Variants in SLC35F1 observed in about 807,000 individuals in gnomAD.
The protein encoded by SLC35F1 is chromosome 6 open reading frame 169.
SLC35F1 carries 14 observed loss-of-function variants against 48.7 expected under a neutral mutation model. That is an observed-to-expected ratio of 0.29 (90% CI 0.19 to 0.45). The LOEUF (loss-of-function observed/expected upper bound fraction) is 0.45. Among genes scored for constraint, SLC35F1 ranks in the 20% least tolerant of loss-of-function variants. The pLI, the probability that SLC35F1 is intolerant of heterozygous loss-of-function variation, is 1.00. For synonymous variants in SLC35F1, 190 were observed against 202.2 expected, an observed-to-expected ratio of 0.94 and a Z score of 0.51; for missense variants, 404 against 500.0, an observed-to-expected ratio of 0.81 and a Z score of 1.83.
At chr6:118,083,161 G>A (rs925435232) in intron 1 of SLC35F1, among the ~76,000 whole-genome samples, 1 of 152,172 alleles carries the variant, frequency 6.6e-6, no homozygotes, top group African/African-American at 2.4e-5. Context: ...AGGAGAATAA[G>A]TTTCTTATCT....
In SLC35F1 at chr6:118,176,298, C is replaced by T. The variant is rs544698968; in HGVS notation, c.349+21678C>T. Among the ~76,000 whole-genome samples, 71 of 152,210 alleles carry T rather than the reference C, an allele frequency of 4.7e-4. No homozygotes were observed. In the South Asian group the frequency reaches 0.015, roughly 31 times the overall value. On this transcript the variant is annotated intron_variant, in intron 2 of 7. Transcript: ENST00000360388. ...TCAACAGCTTCAGTTCAGTTCATTT[C>T]CCTTTGAGACAGAAGGACTCACTTC...
chr6:118,088,223 A>T (rs1369370527), intron 1 of SLC35F1, among the ~76,000 whole-genome samples: 1 of 152,170 alleles, frequency 6.6e-6, no homozygotes, highest in Non-Finnish European at 1.5e-5. Flanking sequence ...CTAATTTCAC[A>T]TTTATTTATG....
Position 118,284,046 on chromosome 6 carries a change from T to C in SLC35F1, c.848-1138T>C, listed in dbSNP as rs114274759. 8.8e-3 allele frequency among the ~76,000 whole-genome samples: 1,338 copies of C among 152,306 alleles called. 12 individuals are homozygous for C. Among genetic ancestry groups the C allele is most frequent in the African/African-American group, 0.03 (1,251 of 41,566 alleles). On this transcript the variant is annotated intron_variant, in intron 6 of 7. Coordinates refer to ENST00000360388, the MANE Select transcript of SLC35F1 (RefSeq NM_001029858.4). ...GAATAATTTTTTTGTAGATCTGATGTGGCTTTCATATGGAACGATGATTTG... is the reference window on the plus strand; with the variant it reads ...GAATAATTTTTTTGTAGATCTGATGCGGCTTTCATATGGAACGATGATTTG...
intron 1 of SLC35F1, among the ~76,000 whole-genome samples, chr6:118,045,584 G>T (rs1315053138): frequency 6.6e-6 from 1 of 152,146 alleles, no homozygotes; most frequent in African/African-American, 2.4e-5. Flanking sequence ...GCACATAAAA[G>T]CCCTCGCAAC....
rs1231116629 is a variant in SLC35F1 at position 118,036,296 on chromosome 6, TGTG to T, written c.174-118146_174-118144del. ...TTTTAGTCCATACATTACTTAGAAA[TGTG>T]GTTTAATTTTCAGATATTTGAGGAA... On this transcript the variant is annotated intron_variant, in intron 1 of 7. Transcript: ENST00000360388. Among the ~76,000 whole-genome samples, 11 of 152,310 alleles carry T rather than the reference TGTG, an allele frequency of 7.2e-5. No homozygotes were observed. In the East Asian group the frequency reaches 2.1e-3, roughly 29 times the overall value.
At chr6:118,285,087 A>G in intron 6 of SLC35F1, 97 bp from the exon 7 acceptor site, 1 of 1,293,046 alleles carries the variant, frequency 7.7e-7, no homozygotes, top group Non-Finnish European at 1.1e-6. Flanking sequence ...TGTGTGAGTG[A>G]CAAGTGGTGT....
intron 2 of SLC35F1, among the ~76,000 whole-genome samples, chr6:118,216,037 T>C (rs1382515324): frequency 6.6e-6 from 1 of 151,998 alleles, no homozygotes; most frequent in African/African-American, 2.4e-5. Flanking sequence ...ATATTTGGTA[T>C]GCACATTTTT....
chr6:118,005,864 G>A (rs1777166484), intron 1 of SLC35F1, among the ~76,000 whole-genome samples: 1 of 152,038 alleles, frequency 6.6e-6, no homozygotes, highest in Non-Finnish European at 1.5e-5. Flanking sequence ...CTTCCCATAG[G>A]ATCACTTCTT....
chr6:118,013,689 T>A lies in SLC35F1; in HGVS notation c.173+105790T>A, dbSNP rs75048992. 5.7e-4 allele frequency among the ~76,000 whole-genome samples: 87 copies of A among 152,318 alleles called. 1 individual carries two copies. In the East Asian group the frequency reaches 0.016, roughly 27 times the overall value. On this transcript the variant is annotated intron_variant, in intron 1 of 7. Transcript: ENST00000360388. ...TCGGTTTTTGATTCATGTGATGTCT[T>A]AAAACTACTCTACTTGGATTGTTAT...
At chr6:117,996,853 A>G (rs1268293814) in intron 1 of SLC35F1, among the ~76,000 whole-genome samples, 1 of 152,224 alleles carries the variant, frequency 6.6e-6, no homozygotes, top group African/African-American at 2.4e-5. Flanking sequence ...TGGAAACTCT[A>G]AAAAGCAGAG....
chr6:117,914,790 A>G (rs1038721743), intron 1 of SLC35F1, among the ~76,000 whole-genome samples: 10 of 152,210 alleles, frequency 6.6e-5, no homozygotes, highest in East Asian at 3.9e-4. Flanking sequence ...TTTTAGGAAA[A>G]CTGCCCAGGT....
chr6:118,144,183 A>G (rs763974470), intron 1 of SLC35F1, among the ~76,000 whole-genome samples: 2 of 152,210 alleles, frequency 1.3e-5, no homozygotes, highest in African/African-American at 4.8e-5. Flanking sequence ...ATATGGAATC[A>G]ACCCAAATGC....
At chr6:118,197,744 G>A (rs1433910910) in intron 2 of SLC35F1, among the ~76,000 whole-genome samples, 1 of 151,778 alleles carries the variant, frequency 6.6e-6, no homozygotes, top group African/African-American at 2.4e-5. Context: ...GAATTTTTAA[G>A]ACTTTATGTT....
rs374894275 is a variant in SLC35F1 at position 118,314,012 on chromosome 6, T to G, written c.1003-16T>G. ...TGCCCTGGCTGTCAAATGACTTTACTGTTGTGTTTTTTTAGTTTTCAGGAC... is the reference window on the plus strand; with the variant it reads ...TGCCCTGGCTGTCAAATGACTTTACGGTTGTGTTTTTTTAGTTTTCAGGAC... On this transcript the variant is annotated splice_polypyrimidine_tract_variant and intron_variant, in intron 7 of 7. Coordinates refer to ENST00000360388, the MANE Select transcript of SLC35F1 (RefSeq NM_001029858.4). 193 of 1,612,922 alleles carry G rather than the reference T, an allele frequency of 1.2e-4. No individual in the cohort carries two copies. Among genetic ancestry groups the G allele is most frequent in the Non-Finnish European group, 1.6e-4 (189 of 1,178,978 alleles).
chr6:118,171,636 A>C lies in SLC35F1; in HGVS notation c.349+17016A>C, dbSNP rs79091435. ...CCTATTTCCCCACTTAAGTGTCACC[A>C]TTGAATATTATCAGTAATTTTCTGG... On this transcript the variant is annotated intron_variant, in intron 2 of 7. Transcript: ENST00000360388. Among the ~76,000 whole-genome samples the C allele has an allele frequency of 2.0e-5, 3 of 152,284 alleles. No homozygotes were observed. The East Asian group carries it at 5.8e-4, about 29-fold the overall frequency.
chr6:117,907,817 G>A lies in SLC35F1; in HGVS notation c.91G>A (p.Ala31Thr). Residue 31 changes from alanine to threonine, a missense_variant, in exon 1 of 8, where the codon GCC becomes ACC. Physicochemically the swap from Ala to Thr is moderately conservative, Grantham distance 58. Around this residue, in one of 2 missense-constraint regions of SLC35F1, gnomAD observed 98 missense variants for 81.0 expected, o/e 1.21. Coordinates refer to ENST00000360388, the MANE Select transcript of SLC35F1 (RefSeq NM_001029858.4). ...GGTGACCACCATCGAGAACCTGCCG[G>A]CCGAGGGCAGCGGCGGCGGCGGGAG... The part of the protein sequence containing the change: ...HVVTTIENLP[A>T]EGSGGGGSLS... The A allele has an allele frequency of 6.5e-7, 1 of 1,549,440 alleles. No homozygotes were observed. Among genetic ancestry groups the A allele is most frequent in the Non-Finnish European group, 8.6e-7 (1 of 1,157,716 alleles).
chr6:118,256,888 G>A (rs1775653038), intron 3 of SLC35F1, among the ~76,000 whole-genome samples: 1 of 152,128 alleles, frequency 6.6e-6, no homozygotes, highest in Non-Finnish European at 1.5e-5. Flanking sequence ...GGGCCATGGA[G>A]TTGTGAAGAT....
chr6:118,029,207 A>G (rs1772004677), intron 1 of SLC35F1, among the ~76,000 whole-genome samples: 1 of 152,114 alleles, frequency 6.6e-6, no homozygotes, highest in Non-Finnish European at 1.5e-5. Context: ...AAAAGCAACT[A>G]TATTTCCTTA....
chr6:118,275,871 A>G (rs965059863), intron 5 of SLC35F1, among the ~76,000 whole-genome samples: 4 of 152,206 alleles, frequency 2.6e-5, no homozygotes, highest in Admixed American at 6.5e-5. Flanking sequence ...CATTAGAAGC[A>G]TTAGGATTGA....
Sources: gnomAD v4.1 joint callset for allele counts (sites outside exome capture counted in the v4.1 genomes callset) on GRCh38, gnomAD v4.1.1 for gene constraint, gnomAD v4.1.1 regional missense constraint, MANE v1.5 for transcripts, NCBI Gene and HGNC (gene_info 2026-07-23, HGNC 2026-07-21) for gene names.